CHST13: variants seen among roughly 807,000 people sequenced by gnomAD.
The protein encoded by CHST13 is carbohydrate sulfotransferase 13, also known as C4ST-3.
CHST13 carries 1 observed loss-of-function variant against 7.0 expected under a neutral mutation model. The ratio of observed to expected loss-of-function variants is 0.14; its 90% CI spans 0.05 to 0.68. The LOEUF (loss-of-function observed/expected upper bound fraction) is 0.68, where lower values mean the gene tolerates loss of function less well. Among genes scored for constraint, CHST13 ranks in the 30% least tolerant of loss-of-function variants. CHST13 has a pLI of 0.82. For synonymous variants in CHST13, 257 were observed against 240.9 expected, an observed-to-expected ratio of 1.07 and a Z score of -0.62; for missense variants, 572 against 507.9, an observed-to-expected ratio of 1.13 and a Z score of -1.21.
At chr3:126,524,529 G>C (rs953500220) in intron 1 of CHST13, 100 bp downstream of exon 1, 7 of 391,990 alleles carry the variant, frequency 1.8e-5, no homozygotes, top group Non-Finnish European at 2.6e-5. Flanking sequence ...GACACCTGTT[G>C]TCTCCTTCCT....
chr3:126,542,543 A>G lies in CHST13; in HGVS notation c.991A>G (p.Asn331Asp). The G allele has an allele frequency of 6.5e-7, 1 of 1,530,176 alleles. No homozygotes were observed. The highest frequency in any genetic ancestry group is 8.7e-7 in the Non-Finnish European group (1 of 1,144,206). The allele number at this position is 1,530,176 out of a possible 1,614,324, so 94.8% of individuals were successfully genotyped here. A position where few individuals can be genotyped will look rare whatever the true frequency, so the allele number is the denominator to read the frequency against. The change falls in exon 3 of 3, where the codon AAC (asparagine) becomes GAC (aspartate). Residue 331 changes from asparagine (N) to aspartate (D), a missense_variant. Transcript: ENST00000319340. ...DLYKMDFLLF[N>D]YSAPSYLRLL ...CTACAAGATGGACTTCCTGCTTTTC[A>G]ACTACTCCGCCCCCTCCTACCTGCG...
intron 1 of CHST13, chr3:126,529,407 C>A: frequency 7.8e-7 from 1 of 1,288,476 alleles, no homozygotes. Flanking sequence ...GGTGTCAGGA[C>A]AAGGGGGCAC....
intron 1 of CHST13, 65 bp downstream of exon 1, chr3:126,524,494 G>C (rs940449234): frequency 1.8e-6 from 1 of 542,638 alleles, no homozygotes; most frequent in African/African-American, 2.0e-5. Flanking sequence ...TTTCCACCGC[G>C]GCCTGACCCC....
chr3:126,524,324 C>A lies in CHST13; in HGVS notation c.-9C>A. 3 of 1,234,244 alleles carry A rather than the reference C, an allele frequency of 2.4e-6. No individual in the cohort carries two copies. The allele number at this position is 1,234,244 out of a possible 1,614,324, so 76.5% of individuals were successfully genotyped here. On this transcript the variant is annotated 5_prime_UTR_variant, in exon 1 of 3. Transcript: ENST00000319340. ...AGCGGACTGTCCTCCGCCGCGCGCC[C>A]GGCACAGCATGGGGAGGCGCTGCTG...
At position 126,542,830 on chromosome 3, in the gene CHST13, C is replaced by T. The variant is rs946699201; in HGVS notation, c.*252C>T. On this transcript the variant is annotated 3_prime_UTR_variant, in exon 3 of 3. Transcript: ENST00000319340. ...TCCTCCACTTGCTCCAGCTGACAGG[C>T]ACCTCTCCAGGCCCCGTAGATGGGC... 4.7e-6 allele frequency: 2 copies of T among 424,518 alleles called. No individual in the cohort carries two copies. Among genetic ancestry groups the T allele is most frequent in the Non-Finnish European group, 8.0e-6 (2 of 249,444 alleles). The allele number at this position is 424,518 out of a possible 1,614,324, so 26.3% of individuals were successfully genotyped here.
chr3:126,539,743 CCACACCA>C (rs1372402780), intron 2 of CHST13, among the ~76,000 whole-genome samples: 1 of 88,092 alleles, frequency 1.1e-5, no homozygotes, highest in Non-Finnish European at 2.2e-5. Context: ...CACACACACC[CCACACCA>C]CACACTCCAC....
chr3:126,541,818 G>A lies in CHST13; in HGVS notation c.266G>A (p.Arg89His). ...SACSRHSRRQ[R>H]LLQPEDLRHV... ...TGTAGCCGCCACTCACGCCGGCAGC[G>A]CCTGCTACAGCCGGAGGACCTGCGG... The change falls in exon 3 of 3, where the codon CGC becomes CAC. Residue 89 changes from arginine to histidine, a missense_variant. Transcript: ENST00000319340. 1.9e-6 allele frequency: 3 copies of A among 1,562,300 alleles called. No individual in the cohort carries two copies. The highest frequency in any genetic ancestry group is 1.7e-6 in the Non-Finnish European group (2 of 1,154,716).
chr3:126,537,506 C>T (rs1049094530), intron 2 of CHST13, among the ~76,000 whole-genome samples: 51 of 152,162 alleles, frequency 3.4e-4, no homozygotes, highest in African/African-American at 1.2e-3. Context: ...GAGGGCTGAG[C>T]GGAAGGGGCC....
At chr3:126,533,982 T>G (rs1936711614) in intron 1 of CHST13, among the ~76,000 whole-genome samples, 1 of 152,218 alleles carries the variant, frequency 6.6e-6, no homozygotes, top group African/African-American at 2.4e-5. Context: ...GTCTATTTCT[T>G]GTATGTTTTC....
In CHST13 at chr3:126,542,371, C is replaced by T. The variant is rs1385536154; in HGVS notation, c.819C>T (p.Asp273=). ...VVGKFETLAE[D]AAFVLGLAGA... is the part of the protein sequence containing the mutation. ...GCAAGTTCGAGACGCTGGCGGAGGA[C>T]GCGGCCTTCGTGCTGGGCCTGGCGG... Residue 273 remains aspartate (D), a synonymous_variant, in exon 3 of 3, where the codon GAC becomes GAT. Coordinates refer to ENST00000319340, the MANE Select transcript of CHST13 (RefSeq NM_152889.3). 3.8e-6 allele frequency: 6 copies of T among 1,559,984 alleles called. No homozygotes were observed. Among genetic ancestry groups the T allele is most frequent in the African/African-American group, 1.4e-5 (1 of 71,566 alleles).
chr3:126,525,772 C>T (rs1474412383), intron 1 of CHST13, among the ~76,000 whole-genome samples: 1 of 152,148 alleles, frequency 6.6e-6, no homozygotes, highest in Non-Finnish European at 1.5e-5. Context: ...AAGGAGCATA[C>T]ATCTTTGAGT....
chr3:126,525,908 C>T (rs1293445782), intron 1 of CHST13, among the ~76,000 whole-genome samples: 1 of 152,190 alleles, frequency 6.6e-6, no homozygotes, highest in East Asian at 1.9e-4. Flanking sequence ...TTTGTTCCTT[C>T]TGACCTCCCT....
intron 1 of CHST13, among the ~76,000 whole-genome samples, chr3:126,531,651 C>A (rs191301776): frequency 6.6e-6 from 1 of 152,196 alleles, no homozygotes; most frequent in African/African-American, 2.4e-5. Flanking sequence ...TTCTTCATTC[C>A]TTTTATGGCC....
At chr3:126,536,499 A>T in intron 2 of CHST13, 146 bp downstream of exon 2, 1 of 610,944 alleles carries the variant, frequency 1.6e-6, no homozygotes, top group Non-Finnish European at 2.9e-6. Flanking sequence ...TTTGTCAGAG[A>T]GCAGTGACAA....
At position 126,542,957 on chromosome 3, in the gene CHST13, G is replaced by A; in HGVS notation, c.*379G>A. The stretch of plus-strand genomic sequence containing the variant: ...TGCATCAGAACATAATGCTGACACC[G>A]GTGTCAGTGTGGCCCGAGCCTGTGT... On this transcript the variant is annotated 3_prime_UTR_variant, in exon 3 of 3. Coordinates refer to ENST00000319340, the MANE Select transcript of CHST13 (RefSeq NM_152889.3). 1 of 160,448 alleles carries A rather than the reference G, an allele frequency of 6.2e-6. No individual in the cohort carries two copies. Among genetic ancestry groups the A allele is most frequent in the Non-Finnish European group, 1.4e-5 (1 of 73,858 alleles). 9.9% of individuals were successfully genotyped at this position (160,448 alleles called of 1,614,324 possible). A position where few individuals can be genotyped will look rare whatever the true frequency, so the allele number is the denominator to read the frequency against.
intron 1 of CHST13, among the ~76,000 whole-genome samples, chr3:126,529,782 C>G (rs9871908): frequency 0.1 from 15,628 of 152,194 alleles, 915 homozygotes; most frequent in African/African-American, 0.16. Context: ...TGTCCCCCTT[C>G]TCTCCCCTGT....
intron 2 of CHST13, among the ~76,000 whole-genome samples, chr3:126,536,896 AACACACACACACACACAC>A (rs10670471): frequency 7.1e-6 from 1 of 140,400 alleles, no homozygotes; most frequent in Non-Finnish European, 1.6e-5. Flanking sequence ...CACACACACA[AACACACACACACACACAC>A]ACACACACAC....
chr3:126,542,121 G>A lies in CHST13; in HGVS notation c.569G>A (p.Arg190His), dbSNP rs2107574082. The A allele has an allele frequency of 6.4e-7, 1 of 1,573,306 alleles. No individual in the cohort carries two copies. Among genetic ancestry groups the A allele is most frequent in the African/African-American group, 1.4e-5 (1 of 71,946 alleles). ...TCGGCTTACCGCAACAAGCTCGCGC[G>A]CCCCTACAGCGCCGCCTTCCAGAGG... ...LASAYRNKLA[R>H]PYSAAFQRRY... The change falls in exon 3 of 3, where the codon CGC becomes CAC. Residue 190 changes from arginine to histidine, a missense_variant. Arg to His is a conservative substitution (Grantham distance 29). Coordinates refer to ENST00000319340, the MANE Select transcript of CHST13 (RefSeq NM_152889.3).
At chr3:126,536,221 A>T (rs756352688) in intron 1 of CHST13, 50 bp from the exon 2 acceptor site, 3 of 1,547,218 alleles carry the variant, frequency 1.9e-6, no homozygotes, top group Non-Finnish European at 2.7e-6. Flanking sequence ...CCCCAGGTCC[A>T]TGCAAGTCCC....
Sources: allele counts gnomAD v4.1 joint callset (sites outside exome capture counted in the v4.1 genomes callset), GRCh38; gene constraint gnomAD v4.1.1; transcripts MANE v1.5; gene names NCBI Gene and HGNC (gene_info 2026-07-23, HGNC 2026-07-21).